C19orf38: variants seen among roughly 807,000 people sequenced by gnomAD.
C19orf38 encodes protein HIDE1.
A neutral mutation model predicts 26.6 loss-of-function variants in C19orf38; 14 were observed. The observed-to-expected ratio is 0.53, with a 90% CI of 0.35 to 0.82. The LOEUF (loss-of-function observed/expected upper bound fraction) is 0.82. C19orf38 is among the 40% of genes least tolerant of loss of function. The probability of loss-of-function intolerance (pLI) is 0.01; values close to 1 mark genes in which losing one functional copy is unlikely to be tolerated. For synonymous variants in C19orf38, 132 were observed against 128.5 expected (o/e 1.03, Z -0.18); for missense variants, 261 against 299.5 (o/e 0.87, Z 0.95).
intron 1 of C19orf38, among the ~76,000 whole-genome samples, chr19:10,838,478 G>A (rs1233251107): frequency 6.6e-6 from 1 of 152,182 alleles, no homozygotes; most frequent in Non-Finnish European, 1.5e-5. Flanking sequence ...CCAGTGTTGT[G>A]CAGTGACTTC....
intron 2 of C19orf38, among the ~76,000 whole-genome samples, chr19:10,855,562 T>C (rs1316219481): frequency 6.6e-6 from 1 of 152,160 alleles, no homozygotes; most frequent in Non-Finnish European, 1.5e-5. Flanking sequence ...AGAGTCTTGC[T>C]CTGTCACCCA....
chr19:10,854,076 T>G (rs1436854427), intron 2 of C19orf38, among the ~76,000 whole-genome samples: 1 of 149,274 alleles, frequency 6.7e-6, no homozygotes, highest in Admixed American at 6.7e-5. Flanking sequence ...TTTTTTTTAA[T>G]TTTTGAGACA....
rs1393070412 is a variant in C19orf38, at chr19:10,850,601, G to A, written c.340+34G>A. 20 of 1,546,448 alleles carry A rather than the reference G, an allele frequency of 1.3e-5. No individual in the cohort carries two copies. In the East Asian group the frequency reaches 4.9e-4, roughly 38 times the overall value. On this transcript the variant is annotated intron_variant, in intron 2 of 6. Coordinates refer to ENST00000397820, the MANE Select transcript of C19orf38 (RefSeq NM_001136482.3). ...CTTCTATGGGATCTCACTGCCGGGGGCTTAATTTTCTCACATGGACCTCTT... is the reference window on the plus strand; with the variant it reads ...CTTCTATGGGATCTCACTGCCGGGGACTTAATTTTCTCACATGGACCTCTT...
At chr19:10,859,630 T>A (rs1312232650) in intron 4 of C19orf38, among the ~76,000 whole-genome samples, 1 of 150,656 alleles carries the variant, frequency 6.6e-6, no homozygotes. Context: ...GTGATCCACC[T>A]GCCTCAGCCT....
intron 3 of C19orf38, among the ~76,000 whole-genome samples, chr19:10,857,151 G>T (rs1008339444): frequency 1.9e-4 from 28 of 149,862 alleles, no homozygotes; most frequent in African/African-American, 6.4e-4. Context: ...TGCCCAGGCT[G>T]GTCTTGAACT....
chr19:10,863,837 C>T (rs965794146), intron 6 of C19orf38, among the ~76,000 whole-genome samples: 98 of 152,200 alleles, frequency 6.4e-4, no homozygotes, highest in African/African-American at 2.3e-3. Context: ...CACTTGGACC[C>T]AGGAGGTGGA....
chr19:10,838,572 T>C (rs1248340691), intron 1 of C19orf38, among the ~76,000 whole-genome samples: 3 of 152,126 alleles, frequency 2.0e-5, no homozygotes, highest in African/African-American at 7.2e-5. Flanking sequence ...CTCGTTGTCT[T>C]GAGTAACACC....
Position 10,869,299 on chromosome 19 carries a change from A to G in C19orf38, c.625A>G (p.Lys209Glu). 2 of 1,551,630 alleles carry G rather than the reference A, an allele frequency of 1.3e-6. No homozygotes were observed. Among genetic ancestry groups the G allele is most frequent in the Non-Finnish European group, 1.7e-6 (2 of 1,146,970 alleles). ...CACCCCCAGCAACTCCAGGACCCGG[A>G]AGAGGCCCACTTCCACGTCCTCCTC... Reference protein sequence around the residue: ...TATPSNSRTRKRPTSTSSSPE... With the variant: ...TATPSNSRTRERPTSTSSSPE... Residue 209 changes from lysine (K) to glutamate (E), a missense_variant, in exon 7 of 7, where the codon AAG (lysine) becomes GAG (glutamate). By Grantham distance (56) the Lys-to-Glu change is moderately conservative. Coordinates refer to ENST00000397820, the MANE Select transcript of C19orf38 (RefSeq NM_001136482.3).
At chr19:10,859,377 TATATA>T (rs1568337672) in intron 4 of C19orf38, among the ~76,000 whole-genome samples, 30 of 41,930 alleles carry the variant, frequency 7.2e-4, no homozygotes, top group African/African-American at 3.0e-3. Flanking sequence ...TATATATATA[TATATA>T]TATTTTTTTT....
At chr19:10,837,635 G>A (rs1442901335) in intron 1 of C19orf38, among the ~76,000 whole-genome samples, 1 of 149,508 alleles carries the variant, frequency 6.7e-6, no homozygotes, top group African/African-American at 2.5e-5. Context: ...AGCCTTCCGA[G>A]TAGCTGAGAC....
intron 5 of C19orf38, among the ~76,000 whole-genome samples, chr19:10,861,673 G>T (rs1356536289): frequency 6.6e-6 from 1 of 152,108 alleles, no homozygotes; most frequent in East Asian, 1.9e-4. Flanking sequence ...TGCCTCCCGG[G>T]TTCAAGTGAT....
upstream of C19orf38, among the ~76,000 whole-genome samples, chr19:10,846,373 ATT>A (rs980004902): frequency 1.3e-5 from 2 of 150,516 alleles, no homozygotes; most frequent in Non-Finnish European, 3.0e-5. Flanking sequence ...ATTAAAAAAA[ATT>A]TTTTTTTAAT....
rs113182484 is a variant in C19orf38 at position 10,855,924 on chromosome 19, A to G, written c.341-341A>G. Reference sequence around the variant, plus strand: ...AGTAATCCACCTGCCTCAGCCTCCCAAAGTGTTGGGATTACAGGCATGAAT... The same window carrying G: ...AGTAATCCACCTGCCTCAGCCTCCCGAAGTGTTGGGATTACAGGCATGAAT... On this transcript the variant is annotated intron_variant, in intron 2 of 6. Coordinates refer to ENST00000397820, the MANE Select transcript of C19orf38 (RefSeq NM_001136482.3). Among the ~76,000 whole-genome samples, 540 of 152,286 alleles carry G rather than the reference A, an allele frequency of 3.5e-3. 11 individuals are homozygous for G. The South Asian group carries it at 0.049, about 14-fold the overall frequency.
intron 1 of C19orf38, among the ~76,000 whole-genome samples, chr19:10,837,553 C>G (rs2073445132): frequency 7.9e-6 from 1 of 126,588 alleles, no homozygotes; most frequent in African/African-American, 3.1e-5. Flanking sequence ...GTTGCCCAGG[C>G]TAGAGTGCAG....
chr19:10,859,371 TATATATATA>T (rs2073670319), intron 4 of C19orf38, among the ~76,000 whole-genome samples: 1 of 46,752 alleles, frequency 2.1e-5, no homozygotes, highest in African/African-American at 1.0e-4. Context: ...TATATATATA[TATATATATA>T]TATATTTTTT....
In C19orf38 at chr19:10,866,744, G is replaced by A. The variant is rs144073780; in HGVS notation, c.544-2474G>A. ...CAGCCTCCACTTCTGGGGTTGAAGC[G>A]ATTCTCCCACCTCAGCCTCCCAAGT... On this transcript the variant is annotated intron_variant, in intron 6 of 6. Transcript: ENST00000397820. Among the ~76,000 whole-genome samples, 235 of 152,056 alleles carry A rather than the reference G, an allele frequency of 1.5e-3. 1 individual carries two copies. The highest frequency in any genetic ancestry group is 5.4e-3 in the African/African-American group (223 of 41,482).
rs539650284 is a variant in C19orf38, at chr19:10,853,093, T to C, written c.340+2526T>C. Among the ~76,000 whole-genome samples the C allele has an allele frequency of 1.4e-3, 208 of 151,930 alleles. 1 individual carries two copies. Among genetic ancestry groups the C allele is most frequent in the Middle Eastern group, 3.4e-3 (1 of 294 alleles). ...TTATTTTTTTTTTAGATAGGGGTCTTGCTTTGTTGACCAGGCTAGAGTGCA... is the reference window on the plus strand; with the variant it reads ...TTATTTTTTTTTTAGATAGGGGTCTCGCTTTGTTGACCAGGCTAGAGTGCA... On this transcript the variant is annotated intron_variant, in intron 2 of 6. Transcript: ENST00000397820.
At chr19:10,850,614 A>C in intron 2 of C19orf38, 47 bp downstream of exon 2, 25 of 1,531,634 alleles carry the variant, frequency 1.6e-5, no homozygotes, top group East Asian at 2.4e-5. Flanking sequence ...TAATTTTCTC[A>C]CATGGACCTC....
chr19:10,848,565 TC>T, intron 1 of C19orf38, 26 bp downstream of exon 1: 1 of 1,258,102 alleles, frequency 7.9e-7, no homozygotes. Flanking sequence ...CCCTCTCAGA[TC>T]CCCCACGCCT....
Sources: allele counts gnomAD v4.1 joint callset (sites outside exome capture counted in the v4.1 genomes callset), GRCh38; gene constraint gnomAD v4.1.1; transcripts MANE v1.5; gene names NCBI Gene and HGNC (gene_info 2026-07-23, HGNC 2026-07-21).